The following CPPED1 variants were observed in gnomAD, a reference collection of about 807,000 sequenced individuals.
CPPED1 encodes serine/threonine-protein phosphatase CPPED1.
Under a neutral mutation model 28.0 loss-of-function variants are expected in CPPED1, and 28 were observed. The observed-to-expected ratio is 1.00, with a 90% confidence interval of 0.74 to 1.37. The LOEUF (loss-of-function observed/expected upper bound fraction) is 1.37. Among genes scored for constraint, CPPED1 ranks in the 40% most tolerant of loss-of-function variants. The pLI is 0.00. For missense variants in CPPED1, 504 were observed against 416.5 expected (o/e 1.21, Z -1.83); for synonymous variants, 198 against 180.2 (o/e 1.10, Z -0.79).
At chr16:12,741,284 T>A (rs1209473487) in intron 2 of CPPED1, among the ~76,000 whole-genome samples, 1 of 143,728 alleles carries the variant, frequency 7.0e-6, no homozygotes, top group Non-Finnish European at 1.5e-5. Flanking sequence ...AAAAAATAAA[T>A]CCTCCTCTGG....
At chr16:12,732,291 T>G (rs1265382103) in intron 2 of CPPED1, among the ~76,000 whole-genome samples, 1 of 140,864 alleles carries the variant, frequency 7.1e-6, no homozygotes. Flanking sequence ...AAAAGCTCGG[T>G]AGAAGGCTTA....
Position 12,664,712 on chromosome 16 carries a change from T to C in CPPED1, c.*174A>G, listed in dbSNP as rs1409130908. 1.1e-5 allele frequency: 16 copies of C among 1,453,606 alleles called. No homozygotes were observed. The highest frequency in any genetic ancestry group is 1.2e-5 in the Non-Finnish European group (13 of 1,115,246). The allele number at this position is 1,453,606 out of a possible 1,614,324, so 90.0% of individuals were successfully genotyped here. A position where few individuals can be genotyped will look rare whatever the true frequency, so the allele number is the denominator to read the frequency against. ...CCATTTTAAAGGAAATGCAGTTCTA[T>C]TTTGAATATAATTCAGGACAGGGCC... On this transcript the variant is annotated 3_prime_UTR_variant, in exon 4 of 4. Transcript: ENST00000381774. The surrounding 1 kb of genome is among the most constrained non-coding windows in gnomAD (Gnocchi z 4.2).
intron 3 of CPPED1, among the ~76,000 whole-genome samples, chr16:12,673,707 C>A (rs1264454452): frequency 6.6e-6 from 1 of 152,092 alleles, no homozygotes; most frequent in Non-Finnish European, 1.5e-5. Flanking sequence ...AAAATGTGAC[C>A]AAACGAGGAT....
chr16:12,761,190 T>A (rs934520515), intron 2 of CPPED1: 1 of 150,216 alleles, frequency 6.7e-6, no homozygotes, highest in Non-Finnish European at 1.5e-5. Context: ...GGCAGGAGAA[T>A]TGCTTGAACC....
At chr16:12,714,571 C>T (rs556280487) in intron 2 of CPPED1, among the ~76,000 whole-genome samples, 5 of 152,260 alleles carry the variant, frequency 3.3e-5, no homozygotes, top group African/African-American at 1.2e-4. Context: ...TGCTTACTGG[C>T]AATTTTTATA....
intron 3 of CPPED1, among the ~76,000 whole-genome samples, chr16:12,686,963 G>C (rs1448141482): frequency 6.6e-6 from 1 of 152,030 alleles, no homozygotes; most frequent in East Asian, 1.9e-4. Flanking sequence ...ACGTACACCA[G>C]GGGTTGGAAA....
chr16:12,696,280 A>G (rs944256918), intron 3 of CPPED1, among the ~76,000 whole-genome samples: 1 of 152,060 alleles, frequency 6.6e-6, no homozygotes, highest in Non-Finnish European at 1.5e-5. Flanking sequence ...CGCAAGAAGG[A>G]CGCCAGCACC....
intron 2 of CPPED1, among the ~76,000 whole-genome samples, chr16:12,737,460 G>C (rs908017005): frequency 6.6e-6 from 1 of 152,210 alleles, no homozygotes; most frequent in Admixed American, 6.5e-5. Flanking sequence ...GGCAGGGCCA[G>C]ATCAGGCAGA....
chr16:12,714,139 T>C (rs995712850), intron 2 of CPPED1, among the ~76,000 whole-genome samples: 3 of 152,250 alleles, frequency 2.0e-5, no homozygotes, highest in African/African-American at 7.2e-5. Flanking sequence ...AATACTATTC[T>C]ACTGTATGAA....
At chr16:12,712,972 A>G (rs1567283640) in intron 2 of CPPED1, among the ~76,000 whole-genome samples, 1 of 152,232 alleles carries the variant, frequency 6.6e-6, no homozygotes, top group Non-Finnish European at 1.5e-5. Flanking sequence ...GTAAACAAGT[A>G]TACATTTAAA....
chr16:12,796,234 C>T (rs1355706079), intron 1 of CPPED1, among the ~76,000 whole-genome samples: 2 of 152,078 alleles, frequency 1.3e-5, no homozygotes, highest in Non-Finnish European at 2.9e-5. Flanking sequence ...TGGCTCATGC[C>T]TGTAATCCCA....
At chr16:12,717,303 G>A (rs950534371) in intron 2 of CPPED1, among the ~76,000 whole-genome samples, 5 of 152,114 alleles carry the variant, frequency 3.3e-5, no homozygotes, top group African/African-American at 1.2e-4. Context: ...TCGCTTTGTC[G>A]CCCAGGCTGG....
intron 2 of CPPED1, among the ~76,000 whole-genome samples, chr16:12,768,468 G>A (rs910945140): frequency 2.6e-5 from 4 of 152,106 alleles, no homozygotes; most frequent in East Asian, 1.9e-4. Flanking sequence ...TTCTAGCTAC[G>A]ATTAAGACTT....
intron 2 of CPPED1, among the ~76,000 whole-genome samples, chr16:12,737,259 C>G (rs1055912471): frequency 1.3e-5 from 2 of 152,020 alleles, no homozygotes; most frequent in South Asian, 2.1e-4. Context: ...ATTTGAGCAA[C>G]AACTTGAAGG....
At chr16:12,759,502 T>A (rs2080395513) in intron 2 of CPPED1, 1 of 152,294 alleles carries the variant, frequency 6.6e-6, no homozygotes, top group South Asian at 2.1e-4. Context: ...CTAGCTTTCA[T>A]CATGCAGGTG....
Position 12,673,227 on chromosome 16 carries a change from G to A in CPPED1, c.716-8112C>T, listed in dbSNP as rs370847452. Among the ~76,000 whole-genome samples, 7 of 152,234 alleles carry A rather than the reference G, an allele frequency of 4.6e-5. No homozygotes were observed. The East Asian group carries it at 5.8e-4, about 13-fold the overall frequency. On this transcript the variant is annotated intron_variant, in intron 3 of 3. Coordinates refer to ENST00000381774, the MANE Select transcript of CPPED1 (RefSeq NM_018340.3). The stretch of plus-strand genomic sequence containing the variant: ...CTCCAATCGTACAGACTGCAGGGGC[G>A]GTGGAAATGACTGCCTCCTCTGTGG...
intron 2 of CPPED1, among the ~76,000 whole-genome samples, chr16:12,750,196 TC>T (rs1342796113): frequency 6.6e-6 from 1 of 152,228 alleles, no homozygotes; most frequent in African/African-American, 2.4e-5. Context: ...TTTAGAGGAA[TC>T]GCTAGCACTT....
At chr16:12,718,410 G>A (rs1444064451) in intron 2 of CPPED1, among the ~76,000 whole-genome samples, 3 of 151,766 alleles carry the variant, frequency 2.0e-5, no homozygotes, top group African/African-American at 7.3e-5. Context: ...CTGGTGGCAG[G>A]TGCCTATAGT....
intron 3 of CPPED1, among the ~76,000 whole-genome samples, chr16:12,704,013 G>A (rs2080034330): frequency 6.6e-6 from 1 of 152,182 alleles, no homozygotes; most frequent in African/African-American, 2.4e-5. Flanking sequence ...GATTCTGGAG[G>A]AGAACTTAAT....
Sources: allele counts gnomAD v4.1 joint callset (sites outside exome capture counted in the v4.1 genomes callset), GRCh38; gene constraint gnomAD v4.1.1; non-coding constraint Gnocchi (gnomAD v3.1); transcripts MANE v1.5; gene names NCBI Gene and HGNC (gene_info 2026-07-23, HGNC 2026-07-21).